NPC1: variants seen among roughly 807,000 people sequenced by gnomAD.
The protein encoded by NPC1 is Niemann-Pick C1 protein.
A neutral mutation model predicts 140.4 loss-of-function variants in NPC1; 85 were observed. That is an observed-to-expected ratio of 0.61 (90% CI 0.51 to 0.72). NPC1 has a LOEUF of 0.72. NPC1 is among the 30% of genes least tolerant of loss of function. The pLI is 0.00. For missense variants in NPC1, 1,504 were observed against 1,623.8 expected, an observed-to-expected ratio of 0.93 and a Z score of 1.27; for synonymous variants, 656 against 624.8, an observed-to-expected ratio of 1.05 and a Z score of -0.74.
Position 23,586,327 on chromosome 18 carries a change from A to G in NPC1, c.17T>C (p.Leu6Pro). 1 of 1,534,044 alleles carries G rather than the reference A, an allele frequency of 6.5e-7. No individual in the cohort carries two copies. Residue 6 changes from leucine (L) to proline (P), a missense_variant, in exon 1 of 25, where the codon CTG (leucine) becomes CCG (proline). Coordinates refer to ENST00000269228, the MANE Select transcript of NPC1 (RefSeq NM_000271.5). The stretch of plus-strand genomic sequence containing the variant: ...TAGCAGCAGGAGGAGGCCAAGGGCC[A>G]GGCCGCGAGCGGTCATGCTGTGGCC... MTARG[L>P]ALGLLLLLLC...
At chr18:23,535,753 G>A (rs2055703642) in intron 21 of NPC1, 53 bp from the exon 22 acceptor site, 1 of 1,175,266 alleles carries the variant, frequency 8.5e-7, no homozygotes, top group African/African-American at 1.5e-5. Context: ...CCCGAACACT[G>A]CGTGTTCATC....
At chr18:23,509,395 A>T in intron 3 of NPC1, 1 of 347,968 alleles carries the variant, frequency 2.9e-6, no homozygotes. Flanking sequence ...CTAGAGATGG[A>T]GTCTTGCTCT....
At chr18:23,584,615 A>G (rs2059393603) in intron 1 of NPC1, among the ~76,000 whole-genome samples, 1 of 152,180 alleles carries the variant, frequency 6.6e-6, no homozygotes, top group Non-Finnish European at 1.5e-5. Flanking sequence ...CACACCTGTA[A>G]TCCCCAAAAG....
intron 11 of NPC1, among the ~76,000 whole-genome samples, chr18:23,545,676 C>T (rs1465933220): frequency 2.6e-5 from 4 of 152,210 alleles, no homozygotes; most frequent in South Asian, 2.1e-4. Context: ...ACTGCAGCCT[C>T]GAACTCCTCA....
chr18:23,532,428 C>T, intron 24 of NPC1, 144 bp from the exon 25 acceptor site: 1 of 866,234 alleles, frequency 1.2e-6, no homozygotes, highest in Non-Finnish European at 1.9e-6. Flanking sequence ...AGAGTGAGAC[C>T]ACATCTCTCT....
chr18:23,561,810 G>A (rs1298976561), intron 4 of NPC1, among the ~76,000 whole-genome samples: 1 of 152,198 alleles, frequency 6.6e-6, no homozygotes, highest in Non-Finnish European at 1.5e-5. Flanking sequence ...ACAGCTTGGA[G>A]AAGTCAAATC....
downstream of NPC1, chr18:23,527,908 T>C (rs1339613327): frequency 6.2e-7 from 1 of 1,608,588 alleles, no homozygotes; most frequent in African/African-American, 1.3e-5. Flanking sequence ...GATGGTGAGT[T>C]ACATGGAGTA....
downstream of NPC1, among the ~76,000 whole-genome samples, chr18:23,527,324 G>A (rs1308651680): frequency 2.6e-5 from 4 of 151,786 alleles, no homozygotes; most frequent in African/African-American, 4.8e-5. Context: ...CCTTGAGCCC[G>A]GGAGGACGAG....
At chr18:23,516,872 T>C (rs2058022350) in intron 3 of NPC1, among the ~76,000 whole-genome samples, 1 of 151,344 alleles carries the variant, frequency 6.6e-6, no homozygotes, top group Non-Finnish European at 1.5e-5. Flanking sequence ...ATTACAAGTG[T>C]GCGTCACCTC....
chr18:23,563,351 T>C (rs146319759), intron 4 of NPC1, among the ~76,000 whole-genome samples: 1 of 152,370 alleles, frequency 6.6e-6, no homozygotes, highest in East Asian at 1.9e-4. Context: ...TAAGTTTTTG[T>C]GTTGACCTAT....
At chr18:23,558,969 G>A (rs769490859) in intron 6 of NPC1, among the ~76,000 whole-genome samples, 2 of 152,012 alleles carry the variant, frequency 1.3e-5, no homozygotes, top group Non-Finnish European at 2.9e-5. Flanking sequence ...GAGAACATGC[G>A]GTGTTTGGTT....
intron 22 of NPC1, among the ~76,000 whole-genome samples, chr18:23,534,911 A>G (rs1276991659): frequency 1.3e-5 from 2 of 152,142 alleles, no homozygotes; most frequent in Non-Finnish European, 2.9e-5. Context: ...CTCATATCTG[A>G]GAGTACGGAT....
intron 10 of NPC1, among the ~76,000 whole-genome samples, chr18:23,550,127 T>A (rs2058847737): frequency 6.6e-6 from 1 of 151,824 alleles, no homozygotes; most frequent in African/African-American, 2.4e-5. Flanking sequence ...TCCTCCCACC[T>A]CAGCCTCCCG....
chr18:23,571,531 C>T (rs1290025261), intron 3 of NPC1, among the ~76,000 whole-genome samples: 3 of 152,048 alleles, frequency 2.0e-5, no homozygotes, highest in Non-Finnish European at 4.4e-5. Context: ...GTGGCATGTG[C>T]CTGCAGTCCC....
chr18:23,512,564 G>T (rs955218985), intron 3 of NPC1, among the ~76,000 whole-genome samples: 2 of 151,730 alleles, frequency 1.3e-5, no homozygotes, highest in African/African-American at 4.8e-5. Flanking sequence ...GGAACTACAG[G>T]TGTGTGCCAG....
chr18:23,580,794 C>G (rs1166599461), intron 1 of NPC1, among the ~76,000 whole-genome samples: 1 of 152,182 alleles, frequency 6.6e-6, no homozygotes, highest in Non-Finnish European at 1.5e-5. Context: ...AGAATCCTGT[C>G]CAGAGATTAA....
intron 3 of NPC1, chr18:23,506,725 T>C (rs547295982): frequency 1.0e-5 from 4 of 381,166 alleles, no homozygotes; most frequent in East Asian, 6.4e-5. Context: ...TCAGGTGATA[T>C]GTGTGTGTGA....
At chr18:23,576,804 C>CA in intron 1 of NPC1, 1 of 169,838 alleles carries the variant, frequency 5.9e-6, no homozygotes, top group East Asian at 1.8e-4. Flanking sequence ...TCGCTGGGCT[C>CA]AGGAGTGAAG....
chr18:23,579,552 G>A (rs958323751), intron 1 of NPC1, among the ~76,000 whole-genome samples: 1 of 152,156 alleles, frequency 6.6e-6, no homozygotes, highest in Non-Finnish European at 1.5e-5. Flanking sequence ...ACTGGATAGG[G>A]AAGCTTCTTT....
Sources: allele counts gnomAD v4.1 joint callset (sites outside exome capture counted in the v4.1 genomes callset), GRCh38; gene constraint gnomAD v4.1.1; transcripts MANE v1.5; gene names NCBI Gene and HGNC (gene_info 2026-07-23, HGNC 2026-07-21).